COL6A3: variants seen among roughly 807,000 people sequenced by gnomAD.
COL6A3 encodes collagen alpha-3(VI) chain.
Under a neutral mutation model 274.1 loss-of-function variants are expected in COL6A3, and 137 were observed. The ratio of observed to expected loss-of-function variants is 0.50; its 90% CI spans 0.44 to 0.58. The LOEUF (loss-of-function observed/expected upper bound fraction) is 0.58. Ranked by LOEUF, COL6A3 falls within the 20% of genes least tolerant of loss-of-function variation. The probability of loss-of-function intolerance (pLI) is 0.00; values close to 1 mark genes in which losing one functional copy is unlikely to be tolerated. For synonymous variants in COL6A3, 1,650 were observed against 1,650.6 expected (o/e 1.00, Z 0.01); for missense variants, 3,950 against 4,124.9 (o/e 0.96, Z 1.16).
chr2:237,348,752 G>A, intron 28 of COL6A3, 89 bp from the exon 29 acceptor site: 2 of 1,132,108 alleles, frequency 1.8e-6, no homozygotes, highest in Non-Finnish European at 2.7e-6. Flanking sequence ...CCTGAGAAGT[G>A]GATCCTTGAG....
At chr2:237,381,885 T>C (rs2078015194) in intron 4 of COL6A3, among the ~76,000 whole-genome samples, 1 of 152,218 alleles carries the variant, frequency 6.6e-6, no homozygotes, top group African/African-American at 2.4e-5. Flanking sequence ...TGATGTCTGC[T>C]CAGAGAACCC....
intron 21 of COL6A3, 22 bp from the exon 22 acceptor site, chr2:237,357,904 G>T: frequency 1.9e-6 from 3 of 1,610,546 alleles, no homozygotes; most frequent in Non-Finnish European, 2.5e-6. Flanking sequence ...ATGGGAAAGG[G>T]AAATGAGCCA....
At position 237,387,565 on chromosome 2, in the gene COL6A3, G is replaced by T; in HGVS notation, c.1312+17C>A. ...AACACCCCACTCCCACACAGATGGT[G>T]AGAAGAGGATACATACCTTGTGTGA... On this transcript the variant is annotated intron_variant, in intron 4 of 43. Coordinates refer to ENST00000295550, the MANE Select transcript of COL6A3 (RefSeq NM_004369.4). 1 of 1,613,864 alleles carries T rather than the reference G, an allele frequency of 6.2e-7. No homozygotes were observed. The highest frequency in any genetic ancestry group is 1.1e-5 in the South Asian group (1 of 90,902).
chr2:237,354,558 T>C (rs1235794931), intron 24 of COL6A3, among the ~76,000 whole-genome samples: 2 of 152,180 alleles, frequency 1.3e-5, no homozygotes, highest in Admixed American at 6.5e-5. Context: ...ACCTTTTGTC[T>C]CTTATCTACC....
At chr2:237,366,139 G>A (rs867074687) in intron 11 of COL6A3, 104 bp from the exon 12 acceptor site, 39 of 927,788 alleles carry the variant, frequency 4.2e-5, no homozygotes, top group Middle Eastern at 2.8e-4. Flanking sequence ...CCAGGGCATC[G>A]CACTCAAGTG....
chr2:237,346,742 C>A (rs987344155), intron 31 of COL6A3, among the ~76,000 whole-genome samples, 177 bp from the exon 32 acceptor site: 1 of 152,116 alleles, frequency 6.6e-6, no homozygotes, highest in Non-Finnish European at 1.5e-5. Flanking sequence ...GACAAGCAAC[C>A]TCAACAAAGC....
At chr2:237,410,128 T>C (rs374399214) in intron 1 of COL6A3, among the ~76,000 whole-genome samples, 2 of 152,138 alleles carry the variant, frequency 1.3e-5, no homozygotes, top group African/African-American at 4.8e-5. Context: ...TCTGCTGAGA[T>C]GGTCATCACT....
chr2:237,367,273 T>G lies in COL6A3; in HGVS notation c.4914A>C (p.Ala1638=). 1 of 1,613,510 alleles carries G rather than the reference T, an allele frequency of 6.2e-7. No homozygotes were observed. Among genetic ancestry groups the G allele is most frequent in the Non-Finnish European group, 8.5e-7 (1 of 1,179,686 alleles). ...AACCATCCAACAGGAACACAATGTC[T>G]GCTTTCTTCTTCTCTAGAAGTGATT... ...PPPSRPEKKK[A]DIVFLLDGSI... Residue 1638 remains alanine, a synonymous_variant, in exon 11 of 44, where the codon GCA becomes GCC. Transcript: ENST00000295550.
intron 1 of COL6A3, among the ~76,000 whole-genome samples, chr2:237,410,560 C>T (rs999593232): frequency 6.6e-6 from 1 of 152,168 alleles, no homozygotes; most frequent in Non-Finnish European, 1.5e-5. Context: ...CCACCTCAGC[C>T]TCCCAAAGTG....
At chr2:237,378,185 T>G (rs1168952026) in intron 6 of COL6A3, among the ~76,000 whole-genome samples, 2 of 152,240 alleles carry the variant, frequency 1.3e-5, no homozygotes, top group Non-Finnish European at 2.9e-5. Flanking sequence ...CACCCTTTGT[T>G]TGTTTTATAA....
chr2:237,347,981 C>T (rs2077130354), intron 30 of COL6A3, 112 bp from the exon 31 acceptor site: 1 of 977,896 alleles, frequency 1.0e-6, no homozygotes, highest in African/African-American at 1.6e-5. Context: ...TCCCGGGCAG[C>T]CAAGTGGTTA....
At chr2:237,356,248 A>G (rs954395887) in intron 23 of COL6A3, among the ~76,000 whole-genome samples, 1 of 152,186 alleles carries the variant, frequency 6.6e-6, no homozygotes, top group Non-Finnish European at 1.5e-5. Flanking sequence ...GCCCATTGTA[A>G]CATTTGATGA....
intron 3 of COL6A3, among the ~76,000 whole-genome samples, chr2:237,392,684 C>T (rs2106384889): frequency 6.6e-6 from 1 of 152,350 alleles, no homozygotes; most frequent in Non-Finnish European, 1.5e-5. Flanking sequence ...TTCCTCATGC[C>T]TACTAAATAC....
At chr2:237,333,597 G>A (rs1574926192) in intron 41 of COL6A3, 49 bp from the exon 42 acceptor site, 2 of 1,514,560 alleles carry the variant, frequency 1.3e-6, no homozygotes, top group South Asian at 1.1e-5. Context: ...GAAACAGGAG[G>A]GCTTGGGAAT....
At position 237,347,929 on chromosome 2, in the gene COL6A3, T is replaced by C. The variant is rs57728742; in HGVS notation, c.6967-60A>G. The C allele has an allele frequency of 3.6e-3, 5,449 of 1,503,054 alleles. 146 individuals carry two copies. The African/African-American group carries it at 0.057, about 16-fold the overall frequency. 93.1% of individuals were successfully genotyped at this position (1,503,054 alleles called of 1,614,324 possible). ...TTGGAACAGAAGATCTCACTGAGGG[T>C]CCGTGGGGTAAGACATCCAGGAGAC... On this transcript the variant is annotated intron_variant, in intron 30 of 43. Coordinates refer to ENST00000295550, the MANE Select transcript of COL6A3 (RefSeq NM_004369.4).
Position 237,376,997 on chromosome 2 carries a change from C to G in COL6A3, c.2845G>C (p.Ala949Pro). Residue 949 changes from alanine (A) to proline (P), a missense_variant, in exon 7 of 44, where the codon GCA becomes CCA. Transcript: ENST00000295550. The part of the protein sequence containing the change: ...GVLQFLVLLV[A>P]GRSSDRVDGP... ...TCCACACGGTCAGATGACCTTCCTG[C>G]GACCAGCAGCACCAGGAACTGAAGC... 1.9e-6 allele frequency: 3 copies of G among 1,614,186 alleles called. No homozygotes were observed. Among genetic ancestry groups the G allele is most frequent in the Non-Finnish European group, 2.5e-6 (3 of 1,180,026 alleles).
In COL6A3 at chr2:237,368,837, T is replaced by C; in HGVS notation, c.4626A>G (p.Gln1542=). The change falls in exon 10 of 44, where the codon CAA becomes CAG. Residue 1542 remains glutamine, a synonymous_variant. Transcript: ENST00000295550. This position sits in a 1 kb window ranked among gnomAD's most constrained non-coding sequence, Gnocchi z 4.4. ...AGSRIEDGVP[Q]HLVLVLGGKS... is the part of the protein sequence containing the mutation. ...TTCCACCCAGGACCAGGACCAGGTG[T>C]TGGGGCACCCCGTCTTCTATGCGAC... 6.2e-7 allele frequency: 1 copy of C among 1,614,204 alleles called. No individual in the cohort carries two copies. The highest frequency in any genetic ancestry group is 1.3e-5 in the African/African-American group (1 of 75,060).
chr2:237,375,837 C>T (rs1038663802), intron 7 of COL6A3, among the ~76,000 whole-genome samples: 2 of 152,210 alleles, frequency 1.3e-5, no homozygotes, highest in African/African-American at 4.8e-5. Context: ...GCCACCGCAC[C>T]CGGCCTGTTT....
rs1350039972 is a variant in COL6A3 at position 237,387,943 on chromosome 2, C to A, written c.951G>T (p.Gly317=). Residue 317 remains glycine (G), a synonymous_variant, in exon 4 of 44, where the codon GGG becomes GGT. Coordinates refer to ENST00000295550, the MANE Select transcript of COL6A3 (RefSeq NM_004369.4). ...GAVKALGFAG[G]ELANIGLALD... is the part of the protein sequence containing the mutation. The stretch of plus-strand genomic sequence containing the variant: ...GGGCGAGGCCGATATTGGCCAACTC[C>A]CCACCAGCAAACCCGAGGGCTTTCA... The A allele has an allele frequency of 1.2e-6, 2 of 1,614,212 alleles. No homozygotes were observed. The highest frequency in any genetic ancestry group is 1.3e-5 in the African/African-American group (1 of 75,058).
Sources: allele counts gnomAD v4.1 joint callset (sites outside exome capture counted in the v4.1 genomes callset), GRCh38; gene constraint gnomAD v4.1.1; non-coding constraint Gnocchi (gnomAD v3.1); transcripts MANE v1.5; gene names NCBI Gene and HGNC (gene_info 2026-07-23, HGNC 2026-07-21).